ZNF664: variants seen among roughly 807,000 people sequenced by gnomAD.
ZNF664 encodes the protein zinc finger Organ of Corti 1.
A neutral mutation model predicts 18.2 loss-of-function variants in ZNF664; 10 were observed. The ratio of observed to expected loss-of-function variants is 0.55; its 90% CI spans 0.34 to 0.93. The LOEUF (loss-of-function observed/expected upper bound fraction) is 0.93. Among genes scored for constraint, ZNF664 ranks in the 40% least tolerant of loss-of-function variants. The pLI is 0.02. For missense variants in ZNF664, 193 were observed against 319.0 expected, an observed-to-expected ratio of 0.61 and a Z score of 3.01; for synonymous variants, 119 against 104.2, an observed-to-expected ratio of 1.14 and a Z score of -0.86.
intron 3 of ZNF664, among the ~76,000 whole-genome samples, chr12:123,996,865 T>C (rs1956954440): frequency 6.6e-6 from 1 of 152,212 alleles, no homozygotes; most frequent in Admixed American, 6.5e-5. Flanking sequence ...ATGTATTATA[T>C]ACAAAACCCC....
At chr12:123,985,089 G>T (rs1198195189) in intron 2 of ZNF664, among the ~76,000 whole-genome samples, 2 of 151,990 alleles carry the variant, frequency 1.3e-5, no homozygotes, top group East Asian at 3.9e-4. Context: ...TGTGTGGGAG[G>T]TGCACACAGA....
At chr12:124,001,115 G>C (rs1363051678) in intron 3 of ZNF664, among the ~76,000 whole-genome samples, 1 of 152,142 alleles carries the variant, frequency 6.6e-6, no homozygotes, top group Non-Finnish European at 1.5e-5. Flanking sequence ...AGACCTGGGG[G>C]TCATCCTTGG....
At position 123,973,330 on chromosome 12, in the gene ZNF664, G is replaced by A; in HGVS notation, c.-914G>A. On this transcript the variant is annotated 5_prime_UTR_variant, in exon 1 of 5. Transcript: ENST00000337815. ...TGGGTGCGCGGCGCCCGCGGCCTGG[G>A]GCGCTGACTCCCCTCACTTGGAGTG... 6.1e-6 allele frequency: 6 copies of A among 984,262 alleles called. No homozygotes were observed. The African/African-American group carries it at 7.0e-5, about 11-fold the overall frequency. 61.0% of individuals were successfully genotyped at this position (984,262 alleles called of 1,614,324 possible).
At chr12:123,985,476 G>A (rs957300135) in intron 2 of ZNF664, among the ~76,000 whole-genome samples, 1 of 152,216 alleles carries the variant, frequency 6.6e-6, no homozygotes, top group Non-Finnish European at 1.5e-5. Flanking sequence ...TTAAATCTAT[G>A]AGACCATTTG....
chr12:123,982,328 T>C (rs1956774737), intron 2 of ZNF664, among the ~76,000 whole-genome samples: 1 of 152,180 alleles, frequency 6.6e-6, no homozygotes, highest in African/African-American at 2.4e-5. Flanking sequence ...TCATCAGAGG[T>C]TGGGGCCCAG....
intron 2 of ZNF664, among the ~76,000 whole-genome samples, chr12:123,981,493 T>G (rs1956764709): frequency 6.6e-6 from 1 of 152,186 alleles, no homozygotes; most frequent in South Asian, 2.1e-4. Context: ...CATCGTGTGA[T>G]GCCCTGTGCC....
intron 2 of ZNF664, among the ~76,000 whole-genome samples, chr12:123,977,209 G>C (rs1004713022): frequency 6.6e-6 from 1 of 152,134 alleles, no homozygotes; most frequent in South Asian, 2.1e-4. Context: ...ATACTTAAAA[G>C]TATCAGAGAG....
At chr12:123,973,483 G>A (rs1274444839) in intron 1 of ZNF664, 131 bp downstream of exon 1, 2 of 538,430 alleles carry the variant, frequency 3.7e-6, no homozygotes, top group African/African-American at 2.1e-5. Flanking sequence ...AACCCATCCC[G>A]GAGGATGGGC....
In ZNF664 at chr12:124,012,616, C is replaced by T. The variant is rs1338697006; in HGVS notation, c.472C>T (p.Leu158Phe). 4 of 1,614,214 alleles carry T rather than the reference C, an allele frequency of 2.5e-6. No homozygotes were observed. Among genetic ancestry groups the T allele is most frequent in the Admixed American group, 1.7e-5 (1 of 60,028 alleles). The change falls in exon 5 of 5, where the codon CTC becomes TTC. Residue 158 changes from leucine to phenylalanine, a missense_variant. Transcript: ENST00000337815. ...CGKAFRHTSSLCMHQRVHTGE... is the reference protein window; with the variant it reads ...CGKAFRHTSSFCMHQRVHTGE... Reference sequence around the variant, plus strand: ...GAAGGCCTTCAGGCACACCTCCAGCCTCTGCATGCATCAAAGAGTCCACAC... The same window carrying T: ...GAAGGCCTTCAGGCACACCTCCAGCTTCTGCATGCATCAAAGAGTCCACAC...
At chr12:123,977,756 A>G (rs1956713174) in intron 2 of ZNF664, among the ~76,000 whole-genome samples, 1 of 152,238 alleles carries the variant, frequency 6.6e-6, no homozygotes, top group African/African-American at 2.4e-5. Flanking sequence ...CATTCATTAA[A>G]ACAGTATCGT....
In ZNF664 at chr12:124,000,309, T is replaced by C. The variant is rs530069120; in HGVS notation, c.-660-11072T>C. 3.3e-5 allele frequency among the ~76,000 whole-genome samples: 5 copies of C among 152,292 alleles called. No homozygotes were observed. In the East Asian group the frequency reaches 5.8e-4, roughly 18 times the overall value. ...CTCAGCAGATGGCCTTGCTTCCTGC[T>C]TCCCAGCAGCCAGGGACTGTCAGTT... is the stretch of plus-strand genomic sequence containing the variant. On this transcript the variant is annotated intron_variant, in intron 3 of 4. Coordinates refer to ENST00000337815, the MANE Select transcript of ZNF664 (RefSeq NM_152437.3).
rs1300561373 is a variant in ZNF664, at chr12:123,977,697, T to TAAG, written c.-757+3677_-757+3678insAAG. On this transcript the variant is annotated intron_variant, in intron 2 of 4. Transcript: ENST00000337815. ...TTTTGGGGTGAACGTGGTAGAATACTTATGAGTAATGAGGTGAGACAAATA... is the reference window on the plus strand; with the variant it reads ...TTTTGGGGTGAACGTGGTAGAATACTAAGTATGAGTAATGAGGTGAGACAAATA... Among the ~76,000 whole-genome samples, 6 of 152,276 alleles carry TAAG rather than the reference T, an allele frequency of 3.9e-5. No homozygotes were observed. In the East Asian group the frequency reaches 9.6e-4, roughly 24 times the overall value.
At chr12:124,011,313 T>G (rs935004918) in intron 3 of ZNF664, 68 bp from the exon 4 acceptor site, 1 of 964,540 alleles carries the variant, frequency 1.0e-6, no homozygotes, top group Non-Finnish European at 1.2e-6. Flanking sequence ...TTACAATGAG[T>G]TATTGTAATT....
chr12:124,004,565 G>A (rs1957048659), intron 3 of ZNF664, among the ~76,000 whole-genome samples: 1 of 152,224 alleles, frequency 6.6e-6, no homozygotes, highest in Non-Finnish European at 1.5e-5. Context: ...TTGTCATACA[G>A]GGATTTTCTA....
At chr12:124,004,282 C>T (rs1456027511) in intron 3 of ZNF664, among the ~76,000 whole-genome samples, 1 of 152,078 alleles carries the variant, frequency 6.6e-6, no homozygotes, top group Admixed American at 6.5e-5. Flanking sequence ...GCATGGAAGC[C>T]AGGAAGTAAA....
Position 123,988,235 on chromosome 12 carries a change from GC to G in ZNF664, c.-661+100del, listed in dbSNP as rs1956847184. ...TCTCTAGAATTTTTTCTGAGCATGT[GC>G]CCTTTGGGCTCAGTGAGGAAGCAGC... On this transcript the variant is annotated intron_variant, in intron 3 of 4. Transcript: ENST00000337815. 5 of 1,143,620 alleles carry G rather than the reference GC, an allele frequency of 4.4e-6. No homozygotes were observed. The South Asian group carries it at 1.8e-4, about 41-fold the overall frequency. The allele number at this position is 1,143,620 out of a possible 1,614,324, so 70.8% of individuals were successfully genotyped here.
intron 3 of ZNF664, among the ~76,000 whole-genome samples, chr12:123,994,342 G>T (rs1174733568): frequency 6.6e-6 from 1 of 152,088 alleles, no homozygotes; most frequent in Non-Finnish European, 1.5e-5. Context: ...GGTACTTATT[G>T]TAATAGAAAT....
rs1424497334 is a variant in ZNF664 at position 124,015,381 on chromosome 12, C to T, written c.*2451C>T. On this transcript the variant is annotated 3_prime_UTR_variant, in exon 5 of 5. Transcript: ENST00000337815. ...GTTATCTTCAGAAAATATTATTTGA[C>T]CTACAGTATGTCCAAATCAATTTAA... 6.0e-6 allele frequency: 1 copy of T among 166,392 alleles called. No homozygotes were observed. Among genetic ancestry groups the T allele is most frequent in the Non-Finnish European group, 1.5e-5 (1 of 68,132 alleles). 10.3% of individuals were successfully genotyped at this position (166,392 alleles called of 1,614,324 possible). A position where few individuals can be genotyped will look rare whatever the true frequency, so the allele number is the denominator to read the frequency against.
intron 3 of ZNF664, among the ~76,000 whole-genome samples, chr12:123,997,080 A>C (rs919952375): frequency 6.6e-6 from 1 of 152,196 alleles, no homozygotes; most frequent in Non-Finnish European, 1.5e-5. Context: ...TTTTCTATGA[A>C]ATGTAATCTC....
Sources: allele counts gnomAD v4.1 joint callset (sites outside exome capture counted in the v4.1 genomes callset), GRCh38; gene constraint gnomAD v4.1.1; transcripts MANE v1.5; gene names NCBI Gene and HGNC (gene_info 2026-07-23, HGNC 2026-07-21).